The following CNNM3 variants were observed in gnomAD, a reference collection of about 807,000 sequenced individuals.
CNNM3 encodes the protein cyclin and CBS domain divalent metal cation transport mediator 3.
A neutral mutation model predicts 57.1 loss-of-function variants in CNNM3; 47 were observed. The ratio of observed to expected loss-of-function variants is 0.82; its 90% CI spans 0.65 to 1.05. CNNM3 has a LOEUF of 1.05. Ranked by LOEUF, CNNM3 falls within the 50% of genes least tolerant of loss-of-function variation. The pLI, the probability that CNNM3 is intolerant of heterozygous loss-of-function variation, is 0.00. For missense variants in CNNM3, 957 were observed against 973.7 expected (o/e 0.98, Z 0.23); for synonymous variants, 507 against 478.2 (o/e 1.06, Z -0.79).
At chr2:96,830,028 T>C (rs1345557655) in intron 7 of CNNM3, among the ~76,000 whole-genome samples, 3 of 152,214 alleles carry the variant, frequency 2.0e-5, no homozygotes, top group Non-Finnish European at 1.5e-5. Flanking sequence ...TTGTGGGATA[T>C]GGAACCCCAT....
intron 1 of CNNM3, among the ~76,000 whole-genome samples, chr2:96,818,091 A>T (rs1317105389): frequency 6.6e-6 from 1 of 152,156 alleles, no homozygotes; most frequent in Admixed American, 6.5e-5. Context: ...AACTCCATTT[A>T]TGCTGACTTA....
chr2:96,829,263 CCTT>C (rs2079562611), intron 7 of CNNM3, 129 bp downstream of exon 7: 1 of 1,275,148 alleles, frequency 7.8e-7, no homozygotes, highest in African/African-American at 1.5e-5. Context: ...CATCCTTTTC[CCTT>C]CTTTATATAT....
At chr2:96,828,931 C>G in intron 6 of CNNM3, 65 bp from the exon 7 acceptor site, 1 of 1,597,206 alleles carries the variant, frequency 6.3e-7, no homozygotes, top group Non-Finnish European at 8.6e-7. Flanking sequence ...ACGGTGTCAC[C>G]TTTCCTGCCT....
Position 96,818,673 on chromosome 2 carries a change from G to C in CNNM3, c.1225+1171G>C, listed in dbSNP as rs562862326. ...AAGGTAAAACCAGTACCCTCCGGAT[G>C]TGAAGGTGTGGTTTCTTCTGCAGTC... is the stretch of plus-strand genomic sequence containing the variant. On this transcript the variant is annotated intron_variant, in intron 1 of 7. Transcript: ENST00000305510. Among the ~76,000 whole-genome samples the C allele has an allele frequency of 6.8e-4, 104 of 152,314 alleles. 1 individual carries two copies. The highest frequency in any genetic ancestry group is 2.4e-3 in the African/African-American group (101 of 41,562).
Position 96,833,276 on chromosome 2 carries a change from T to G in CNNM3, c.*660T>G. ...CTTCTGATTCTGAGAGCTGGCCTAGTGGTGCTGAGGGCCCCTTTCTGCTTC... is the reference window on the plus strand; with the variant it reads ...CTTCTGATTCTGAGAGCTGGCCTAGGGGTGCTGAGGGCCCCTTTCTGCTTC... On this transcript the variant is annotated 3_prime_UTR_variant, in exon 8 of 8. Coordinates refer to ENST00000305510, the MANE Select transcript of CNNM3 (RefSeq NM_017623.5). 1.8e-5 allele frequency: 6 copies of G among 332,492 alleles called. No homozygotes were observed. The highest frequency in any genetic ancestry group is 1.4e-4 in the South Asian group (6 of 42,448). The allele number at this position is 332,492 out of a possible 1,614,324, so 20.6% of individuals were successfully genotyped here.
rs757447665 is a variant in CNNM3 at position 96,816,350 on chromosome 2, G to T, written c.73G>T (p.Gly25Trp). ...CGCGCTCTGCCTGGGCAACGCCGCGGGGGAGGCCGCGCCGGGCCCGCGAGT... is the reference window on the plus strand; with the variant it reads ...CGCGCTCTGCCTGGGCAACGCCGCGTGGGAGGCCGCGCCGGGCCCGCGAGT... ...FAALCLGNAAGEAAPGPRVLG... is the reference protein window; with the variant it reads ...FAALCLGNAAWEAAPGPRVLG... The change falls in exon 1 of 8, where the codon GGG becomes TGG. Residue 25 changes from glycine to tryptophan, a missense_variant. Gly to Trp is a radical substitution (Grantham distance 184). This residue lies in a region of CNNM3 where 466 missense variants were observed against 403.1 expected (regional missense o/e 1.16). Coordinates refer to ENST00000305510, the MANE Select transcript of CNNM3 (RefSeq NM_017623.5). 2.3e-6 allele frequency: 3 copies of T among 1,293,552 alleles called. No homozygotes were observed. Among genetic ancestry groups the T allele is most frequent in the Non-Finnish European group, 2.9e-6 (3 of 1,020,208 alleles). The allele number at this position is 1,293,552 out of a possible 1,614,324, so 80.1% of individuals were successfully genotyped here. A position where few individuals can be genotyped will look rare whatever the true frequency, so the allele number is the denominator to read the frequency against.
chr2:96,825,331 G>C, intron 2 of CNNM3, 130 bp downstream of exon 2: 1 of 1,165,642 alleles, frequency 8.6e-7, no homozygotes, highest in Non-Finnish European at 1.2e-6. Flanking sequence ...GCCCCCTTCT[G>C]AGCCCTGCAT....
Position 96,816,392 on chromosome 2 carries a change from G to C in CNNM3, c.115G>C (p.Glu39Gln). 2.2e-6 allele frequency: 3 copies of C among 1,370,604 alleles called. No homozygotes were observed. The highest frequency in any genetic ancestry group is 2.8e-6 in the Non-Finnish European group (3 of 1,064,474). 84.9% of individuals were successfully genotyped at this position (1,370,604 alleles called of 1,614,324 possible). A position where few individuals can be genotyped will look rare whatever the true frequency, so the allele number is the denominator to read the frequency against. The part of the protein sequence containing the change: ...PGPRVLGFCL[E>Q]EDGAAGAGWV... ...CCCGCGAGTGCTGGGCTTCTGCCTGGAGGAGGATGGAGCGGCGGGCGCGGG... is the reference window on the plus strand; with the variant it reads ...CCCGCGAGTGCTGGGCTTCTGCCTGCAGGAGGATGGAGCGGCGGGCGCGGG... The change falls in exon 1 of 8, where the codon GAG becomes CAG. Residue 39 changes from glutamate to glutamine, a missense_variant. By Grantham distance (29) the Glu-to-Gln change is conservative. This residue lies in a region of CNNM3 where 466 missense variants were observed against 403.1 expected (regional missense o/e 1.16). Coordinates refer to ENST00000305510, the MANE Select transcript of CNNM3 (RefSeq NM_017623.5).
At chr2:96,831,748 T>A (rs2079605699) in intron 7 of CNNM3, among the ~76,000 whole-genome samples, 1 of 152,204 alleles carries the variant, frequency 6.6e-6, no homozygotes. Flanking sequence ...GGAAAGGCAG[T>A]CCCCACACTG....
chr2:96,831,580 T>TA (rs1357163896), intron 7 of CNNM3, among the ~76,000 whole-genome samples: 3 of 152,224 alleles, frequency 2.0e-5, no homozygotes, highest in Non-Finnish European at 4.4e-5. Flanking sequence ...GCCTTTGAGT[T>TA]ACAGCAGTGG....
chr2:96,832,073 A>G (rs972004691), intron 7 of CNNM3: 3 of 992,268 alleles, frequency 3.0e-6, no homozygotes, highest in Middle Eastern at 5.1e-4. Context: ...CGTAAGGTAA[A>G]TATCTTCCCT....
Position 96,817,269 on chromosome 2 carries a change from C to T in CNNM3, c.992C>T (p.Thr331Ile). ...LEDCFMLDAS[T>I]VLDFGVLASI... is the part of the protein sequence containing the mutation. ...GACTGCTTCATGCTGGACGCCAGCA[C>T]CGTGCTGGACTTCGGCGTCCTGGCC... Residue 331 changes from threonine (T) to isoleucine (I), a missense_variant, in exon 1 of 8, where the codon ACC becomes ATC. Around this residue, in one of 2 missense-constraint regions of CNNM3, gnomAD observed 491 missense variants for 570.6 expected, o/e 0.86. Transcript: ENST00000305510. 1 of 1,612,634 alleles carries T rather than the reference C, an allele frequency of 6.2e-7. No individual in the cohort carries two copies. The highest frequency in any genetic ancestry group is 8.5e-7 in the Non-Finnish European group (1 of 1,179,998).
In CNNM3 at chr2:96,832,632, C is replaced by A; in HGVS notation, c.*16C>A. 6.2e-7 allele frequency: 1 copy of A among 1,612,714 alleles called. No individual in the cohort carries two copies. Among genetic ancestry groups the A allele is most frequent in the Non-Finnish European group, 8.5e-7 (1 of 1,180,012 alleles). On this transcript the variant is annotated 3_prime_UTR_variant, in exon 8 of 8. Transcript: ENST00000305510. ...AGGCGTTTAACGGCTCACTAGGCAGCCCCAGATCTGGGGAACAGATGAGCA... is the reference window on the plus strand; with the variant it reads ...AGGCGTTTAACGGCTCACTAGGCAGACCCAGATCTGGGGAACAGATGAGCA...
chr2:96,817,093 CGTG>C lies in CNNM3; in HGVS notation c.818_820del (p.Val273del). 1 of 1,343,528 alleles carries C rather than the reference CGTG, an allele frequency of 7.4e-7. No individual in the cohort carries two copies. Among genetic ancestry groups the C allele is most frequent in the Non-Finnish European group, 9.5e-7 (1 of 1,056,626 alleles). The allele number at this position is 1,343,528 out of a possible 1,614,324, so 83.2% of individuals were successfully genotyped here. A position where few individuals can be genotyped will look rare whatever the true frequency, so the allele number is the denominator to read the frequency against. On this transcript the variant is annotated inframe_deletion, in exon 1 of 8. Transcript: ENST00000305510. ...TGCTCACTCTGCCCGTCGCGCTGCC[CGTG>C]GGGCAGCTGCTGGAGCTGGCGGCGC... is the stretch of plus-strand genomic sequence containing the variant.
In CNNM3 at chr2:96,816,984, G is replaced by A; in HGVS notation, c.707G>A (p.Gly236Glu). Residue 236 changes from glycine to glutamate, a missense_variant, in exon 1 of 8, where the codon GGA becomes GAA. Transcript: ENST00000305510. ...LGSAGLVFLVGEVVPAAVSGR... is the reference protein window; with the variant it reads ...LGSAGLVFLVEEVVPAAVSGR... ...AGCGCGGGGCTCGTGTTCCTGGTGG[G>A]AGAGGTGGTGCCGGCCGCCGTGAGC... is the stretch of plus-strand genomic sequence containing the variant. 7.3e-7 allele frequency: 1 copy of A among 1,362,494 alleles called. No individual in the cohort carries two copies. The highest frequency in any genetic ancestry group is 9.5e-7 in the Non-Finnish European group (1 of 1,051,600). 84.4% of individuals were successfully genotyped at this position (1,362,494 alleles called of 1,614,324 possible). A position where few individuals can be genotyped will look rare whatever the true frequency, so the allele number is the denominator to read the frequency against.
At chr2:96,823,104 ATTC>A (rs2079435450) in intron 1 of CNNM3, among the ~76,000 whole-genome samples, 2 of 152,154 alleles carry the variant, frequency 1.3e-5, no homozygotes, top group South Asian at 2.1e-4. Context: ...CCCCTCAGAC[ATTC>A]TTCTTGGGAT....
At chr2:96,828,227 A>C (rs759210467) in intron 5 of CNNM3, 32 bp downstream of exon 5, 2 of 1,545,010 alleles carry the variant, frequency 1.3e-6, no homozygotes, top group Non-Finnish European at 1.8e-6. Context: ...GCTGAGGGCC[A>C]GGGTGGAGGC....
chr2:96,829,386 C>T (rs1004881261), intron 7 of CNNM3: 7 of 272,270 alleles, frequency 2.6e-5, no homozygotes, highest in South Asian at 2.8e-4. Flanking sequence ...CTGCAACCTC[C>T]GGCTCCTGGG....
At chr2:96,817,648 G>A in intron 1 of CNNM3, 146 bp downstream of exon 1, 1 of 751,392 alleles carries the variant, frequency 1.3e-6, no homozygotes, top group Non-Finnish European at 2.2e-6. Flanking sequence ...AGACGGTATT[G>A]GCCTTGCAGC....
Sources: allele counts gnomAD v4.1 joint callset (sites outside exome capture counted in the v4.1 genomes callset), GRCh38; gene constraint gnomAD v4.1.1; regional missense constraint gnomAD v4.1.1; transcripts MANE v1.5; gene names NCBI Gene and HGNC (gene_info 2026-07-23, HGNC 2026-07-21).